CYP3A5: variants seen among roughly 807,000 people sequenced by gnomAD.
CYP3A5 encodes cytochrome P450 3A5.
In CYP3A5, 51 loss-of-function variants were observed where a neutral mutation model predicts 55.9. That is an observed-to-expected ratio of 0.91 (90% CI 0.73 to 1.15). The LOEUF is 1.15. Ranked by LOEUF, CYP3A5 falls within the 50% of genes most tolerant of loss-of-function variation. The pLI is 0.00. For missense variants in CYP3A5, 533 were observed against 596.6 expected (o/e 0.89, Z 1.11); for synonymous variants, 196 against 213.9 (o/e 0.92, Z 0.73).
At chr7:99,677,143 G>A (rs1218047011) in intron 1 of CYP3A5, 1 of 979,162 alleles carries the variant, frequency 1.0e-6, no homozygotes, top group Non-Finnish European at 1.2e-6. Context: ...GGCCTGCCTG[G>A]AACTCATCTT....
intron 10 of CYP3A5, among the ~76,000 whole-genome samples, chr7:99,655,917 G>T (rs530337170): frequency 6.6e-6 from 1 of 152,242 alleles, no homozygotes; most frequent in Admixed American, 6.5e-5. Context: ...TGTGATTTTT[G>T]CACATTGATT....
At chr7:99,671,117 TTGTG>T (rs59010937) in intron 4 of CYP3A5, 19,215 of 141,590 alleles carry the variant, frequency 0.14, 1,247 homozygotes, top group Non-Finnish European at 0.15. Context: ...CACAGACCAT[TTGTG>T]TGTGTGTGTG....
At chr7:99,679,619 A>G (rs1563006851) in intron 1 of CYP3A5, among the ~76,000 whole-genome samples, 1 of 152,148 alleles carries the variant, frequency 6.6e-6, no homozygotes, top group South Asian at 2.1e-4. Context: ...AGTCACCAAA[A>G]TTAGAAGGTG....
rs1811787116 is a variant in CYP3A5 at position 99,672,673 on chromosome 7, A to G, written c.225T>C (p.Tyr75=). Reference sequence around the variant, plus strand: ...TGGCCAGCACAGGGAGTTGACCTTCATACGTTCTGTGTGGGGACAACGGAG... The same window carrying G: ...TGGCCAGCACAGGGAGTTGACCTTCGTACGTTCTGTGTGGGGACAACGGAG... ...YKKYGKMWGT[Y]EGQLPVLAIT... The change falls in exon 4 of 13, where the codon TAT becomes TAC. Residue 75 remains tyrosine, a synonymous_variant. Transcript: ENST00000222982. The G allele has an allele frequency of 3.1e-6, 5 of 1,614,098 alleles. No homozygotes were observed. The highest frequency in any genetic ancestry group is 4.2e-6 in the Non-Finnish European group (5 of 1,179,972).
Position 99,676,204 on chromosome 7 carries a change from C to T in CYP3A5, c.76G>A (p.Gly26Arg). 6.2e-7 allele frequency: 1 copy of T among 1,613,452 alleles called. No individual in the cohort carries two copies. Among genetic ancestry groups the T allele is most frequent in the East Asian group, 2.2e-5 (1 of 44,852 alleles). ...AVSLVLLYLY[G>R]TRTHGLFKRL... ...TTAAAAAGTCCATGTGTACGGGTCC[C>T]ATATCTACAAAGTGAAACAGAAATC... Residue 26 changes from glycine (G) to arginine (R), a missense_variant, in exon 2 of 13, where the codon GGG becomes AGG. Coordinates refer to ENST00000222982, the MANE Select transcript of CYP3A5 (RefSeq NM_000777.5).
chr7:99,652,456 T>C (rs987401929), intron 11 of CYP3A5, 97 bp downstream of exon 11: 183 of 784,620 alleles, frequency 2.3e-4, no homozygotes, highest in Non-Finnish European at 3.5e-4. Flanking sequence ...AAGCAAATGA[T>C]TGTACAACCA....
At chr7:99,672,859 G>A (rs1811808552) in intron 3 of CYP3A5, 180 bp from the exon 4 acceptor site, 4 of 1,412,218 alleles carry the variant, frequency 2.8e-6, no homozygotes, top group Non-Finnish European at 3.7e-6. Flanking sequence ...TCTCACACAG[G>A]AGCCACCCAA....
At chr7:99,651,999 T>C (rs1440837959) in intron 11 of CYP3A5, among the ~76,000 whole-genome samples, 1 of 152,082 alleles carries the variant, frequency 6.6e-6, no homozygotes, top group African/African-American at 2.4e-5. Context: ...ACAGAGGAAA[T>C]AGCAAGTAAC....
intron 10 of CYP3A5, among the ~76,000 whole-genome samples, chr7:99,655,898 A>G (rs559615453): frequency 6.6e-6 from 1 of 152,290 alleles, no homozygotes; most frequent in East Asian, 1.9e-4. Flanking sequence ...ATTGGTGTAT[A>G]AGAATATTTG....
chr7:99,659,742 A>C (rs1345984821), intron 10 of CYP3A5: 1 of 152,948 alleles, frequency 6.5e-6, no homozygotes, highest in African/African-American at 2.4e-5. Context: ...GCTTCCTGGC[A>C]GCTTTGTTTA....
At chr7:99,672,246 T>G (rs771299616) in intron 4 of CYP3A5, among the ~76,000 whole-genome samples, 6 of 152,166 alleles carry the variant, frequency 3.9e-5, no homozygotes, top group Non-Finnish European at 8.8e-5. Flanking sequence ...GAGATGGGGT[T>G]TCACCATGTT....
In CYP3A5 at chr7:99,653,987, T is replaced by C. The variant is rs1809447415; in HGVS notation, c.1027-1208A>G. On this transcript the variant is annotated intron_variant, in intron 10 of 12. Coordinates refer to ENST00000222982, the MANE Select transcript of CYP3A5 (RefSeq NM_000777.5). The surrounding 1 kb of genome is among the most constrained non-coding windows in gnomAD (Gnocchi z 4.2). The stretch of plus-strand genomic sequence containing the variant: ...CCCAGGGCCAGGCTACCTCAGACCA[T>C]AGCCAGACCAGAGTGAGTCCAGTCA... Among the ~76,000 whole-genome samples, 1 of 152,104 alleles carries C rather than the reference T, an allele frequency of 6.6e-6. No homozygotes were observed. Among genetic ancestry groups the C allele is most frequent in the African/African-American group, 2.4e-5 (1 of 41,400 alleles).
intron 4 of CYP3A5, 62 bp from the exon 5 acceptor site, chr7:99,667,127 A>C: frequency 6.8e-7 from 1 of 1,474,718 alleles, no homozygotes; most frequent in Non-Finnish European, 9.4e-7. Flanking sequence ...GGTTGCACAA[A>C]ATATATTGAA....
chr7:99,666,218 A>G (rs914233885), intron 6 of CYP3A5, among the ~76,000 whole-genome samples: 17 of 152,202 alleles, frequency 1.1e-4, no homozygotes, highest in Non-Finnish European at 2.5e-4. Flanking sequence ...TCCCCATTGT[A>G]ACTTTCCCAT....
intron 12 of CYP3A5, 42 bp from the exon 13 acceptor site, chr7:99,648,442 G>A (rs563638723): frequency 7.1e-7 from 1 of 1,408,184 alleles, no homozygotes; most frequent in East Asian, 2.8e-5. Flanking sequence ...AATAAATGAA[G>A]TGAAAGAAGA....
At chr7:99,674,146 T>C (rs1372908037) in intron 3 of CYP3A5, 8 of 161,932 alleles carry the variant, frequency 4.9e-5, no homozygotes, top group Middle Eastern at 2.7e-3. Context: ...ACAAAGGCTA[T>C]TTCAACTTTA....
intron 3 of CYP3A5, 41 bp from the exon 4 acceptor site, chr7:99,672,720 G>A (rs8175346): frequency 2.4e-5 from 39 of 1,611,546 alleles, no homozygotes; most frequent in African/African-American, 8.0e-5. Context: ...TCACTAGCCC[G>A]ATTCTGCAGC....
At chr7:99,656,098 C>A (rs996694886) in intron 10 of CYP3A5, among the ~76,000 whole-genome samples, 4 of 152,104 alleles carry the variant, frequency 2.6e-5, no homozygotes, top group African/African-American at 9.7e-5. Flanking sequence ...TTGCCCTGGC[C>A]AGAACTTCCA....
At position 99,650,179 on chromosome 7, in the gene CYP3A5, G is replaced by C. The variant is rs188908808; in HGVS notation, c.1307C>G (p.Thr436Ser). The C allele has an allele frequency of 3.1e-4, 500 of 1,614,104 alleles. 3 individuals carry two copies. Among genetic ancestry groups the C allele is most frequent in the South Asian group, 2.4e-3 (215 of 91,074 alleles). The stretch of plus-strand genomic sequence containing the variant: ...CATGCCAATGCAGTTTCTGGGTCCA[G>C]TTCCAAAGGGTGTGTATATGTAAGG... ...IDPYIYTPFGTGPRNCIGMRF... is the reference protein window; with the variant it reads ...IDPYIYTPFGSGPRNCIGMRF... The change falls in exon 12 of 13, where the codon ACT becomes AGT. Residue 436 changes from threonine to serine, a missense_variant. Coordinates refer to ENST00000222982, the MANE Select transcript of CYP3A5 (RefSeq NM_000777.5).
Sources: gnomAD v4.1 joint callset for allele counts (sites outside exome capture counted in the v4.1 genomes callset) on GRCh38, gnomAD v4.1.1 for gene constraint, Gnocchi (gnomAD v3.1) non-coding constraint, MANE v1.5 for transcripts, NCBI Gene and HGNC (gene_info 2026-07-23, HGNC 2026-07-21) for gene names.